CRYM: variants seen among roughly 807,000 people sequenced by gnomAD.
CRYM encodes the protein crystallin mu.
In CRYM, 18 loss-of-function variants were observed where a neutral mutation model predicts 32.9. The ratio of observed to expected loss-of-function variants is 0.55; its 90% CI spans 0.38 to 0.81. CRYM has a LOEUF of 0.81. Among genes scored for constraint, CRYM ranks in the 30% least tolerant of loss-of-function variants. The pLI, the probability that CRYM is intolerant of heterozygous loss-of-function variation, is 0.00. For synonymous variants in CRYM, 153 were observed against 152.4 expected, an observed-to-expected ratio of 1.00 and a Z score of -0.03; for missense variants, 337 against 393.5, an observed-to-expected ratio of 0.86 and a Z score of 1.21.
intron 1 of CRYM, among the ~76,000 whole-genome samples, chr16:21,297,537 G>A (rs1960813825): frequency 6.6e-6 from 1 of 152,160 alleles, no homozygotes; most frequent in South Asian, 2.1e-4. Flanking sequence ...CTAATGGTGG[G>A]CATTGACTAT....
chr16:21,297,677 T>C (rs1385414024), intron 1 of CRYM, among the ~76,000 whole-genome samples: 1 of 151,862 alleles, frequency 6.6e-6, no homozygotes, highest in Non-Finnish European at 1.5e-5. Flanking sequence ...CCAACCAGAG[T>C]GGGGATATGT....
At position 21,267,540 on chromosome 16, in the gene CRYM, G is replaced by A. The variant is rs756446046; in HGVS notation, c.673+14C>T. On this transcript the variant is annotated intron_variant, in intron 5 of 7. Transcript: ENST00000572914. ...GCCACCACCCATCATGCCTTATGGA[G>A]CCACTCTACTTACCATTGATGTGAG... 9 of 1,612,990 alleles carry A rather than the reference G, an allele frequency of 5.6e-6. No homozygotes were observed. The South Asian group carries it at 9.9e-5, about 18-fold the overall frequency.
chr16:21,301,786 CG>C (rs1427500622), intron 1 of CRYM, among the ~76,000 whole-genome samples: 2 of 152,194 alleles, frequency 1.3e-5, no homozygotes, highest in Non-Finnish European at 2.9e-5. Context: ...AACCTGCCCG[CG>C]GGCGGCTGGT....
chr16:21,272,751 G>C (rs996123758), intron 3 of CRYM, among the ~76,000 whole-genome samples: 4 of 146,830 alleles, frequency 2.7e-5, no homozygotes, highest in African/African-American at 1.0e-4. Flanking sequence ...CAGGATTCAA[G>C]CAATTCCCTT....
chr16:21,267,634 G>A lies in CRYM; in HGVS notation c.593C>T (p.Ala198Val), dbSNP rs767826552. The A allele has an allele frequency of 6.2e-7, 1 of 1,614,032 alleles. No homozygotes were observed. The highest frequency in any genetic ancestry group is 8.5e-7 in the Non-Finnish European group (1 of 1,180,032). ...CSSVQEAVAG[A>V]DVIITVTLAT... ...CAGGGTGACTGTGATGATCACATCT[G>A]CACCTGCCACAGCCTCCTGGACCGA... The change falls in exon 5 of 8, where the codon GCA (alanine) becomes GTA (valine). Residue 198 changes from alanine to valine, a missense_variant. Physicochemically the swap from Ala to Val is moderately conservative, Grantham distance 64. Transcript: ENST00000572914.
At chr16:21,282,109 T>C (rs1409216558), upstream of CRYM, among the ~76,000 whole-genome samples, 1 of 152,206 alleles carries the variant, frequency 6.6e-6, no homozygotes, top group Non-Finnish European at 1.5e-5. Flanking sequence ...GCGGTTCTGA[T>C]GATAGTGAAT....
At chr16:21,273,487 G>A (rs919263053) in intron 3 of CRYM, among the ~76,000 whole-genome samples, 4 of 152,198 alleles carry the variant, frequency 2.6e-5, no homozygotes, top group African/African-American at 9.7e-5. Flanking sequence ...CAGTGTTATT[G>A]CAGGCTGGGT....
chr16:21,290,313 G>C (rs932638042), intron 1 of CRYM, among the ~76,000 whole-genome samples: 1 of 152,128 alleles, frequency 6.6e-6, no homozygotes, highest in Admixed American at 6.5e-5. Flanking sequence ...CGAACCCACC[G>C]GGAGGGACAA....
upstream of CRYM, among the ~76,000 whole-genome samples, chr16:21,279,185 ATGTACCAGATAC>A (rs1055480321): frequency 2.0e-5 from 3 of 152,230 alleles, no homozygotes; most frequent in African/African-American, 7.2e-5. Flanking sequence ...GATCTTTACT[ATGTACCAGATAC>A]TGCACCATGC....
chr16:21,262,654 C>G (rs925514922), intron 5 of CRYM, among the ~76,000 whole-genome samples: 1 of 152,046 alleles, frequency 6.6e-6, no homozygotes, highest in Non-Finnish European at 1.5e-5. Context: ...AAACTACCTA[C>G]CATTTTGCCT....
chr16:21,259,087 AAATTTTTTTTTTT>A (rs928866215), intron 7 of CRYM, among the ~76,000 whole-genome samples: 1 of 151,880 alleles, frequency 6.6e-6, no homozygotes, highest in Non-Finnish European at 1.5e-5. Context: ...AGGGCTGAGC[AAATTTTTTTTTTT>A]AATTTTTTTT....
rs11353509 is a variant in CRYM at position 21,272,651 on chromosome 16, A to ATT, written c.388-2762_388-2761dup. Among the ~76,000 whole-genome samples the ATT allele has an allele frequency of 7.5e-5, 10 of 133,428 alleles. No homozygotes were observed. In the East Asian group the frequency reaches 1.0e-3, roughly 14 times the overall value. The allele number at this position is 133,428 out of a possible 152,430, so 87.5% of individuals were successfully genotyped here. ...TGTAGTTTCATATTTATTGGTGTGA[A>ATT]TTTTTTTTTTTTTTTTGGAGACTGA... is the stretch of plus-strand genomic sequence containing the variant. On this transcript the variant is annotated intron_variant, in intron 3 of 7. Coordinates refer to ENST00000572914, the MANE Select transcript of CRYM (RefSeq NM_001376256.1).
At chr16:21,290,937 G>A (rs1230433540) in intron 1 of CRYM, among the ~76,000 whole-genome samples, 2 of 152,168 alleles carry the variant, frequency 1.3e-5, no homozygotes, top group African/African-American at 4.8e-5. Flanking sequence ...GAGATGACAG[G>A]AAGACAGATG....
chr16:21,298,581 T>C (rs951533232), intron 1 of CRYM, among the ~76,000 whole-genome samples: 2 of 152,072 alleles, frequency 1.3e-5, no homozygotes, highest in East Asian at 1.9e-4. Flanking sequence ...AGTAGAAAAA[T>C]TGAAATCACA....
At chr16:21,295,273 A>G (rs1960764327) in intron 1 of CRYM, among the ~76,000 whole-genome samples, 1 of 152,242 alleles carries the variant, frequency 6.6e-6, no homozygotes, top group Non-Finnish European at 1.5e-5. Flanking sequence ...GAACGAATTT[A>G]AATTCTCACC....
intron 5 of CRYM, among the ~76,000 whole-genome samples, chr16:21,263,959 G>A (rs1485555632): frequency 6.6e-6 from 1 of 152,228 alleles, no homozygotes; most frequent in Admixed American, 6.5e-5. Flanking sequence ...AAATCTATTT[G>A]CATATGTCAC....
intron 1 of CRYM, among the ~76,000 whole-genome samples, chr16:21,294,687 C>A (rs907924126): frequency 6.7e-6 from 1 of 149,296 alleles, no homozygotes; most frequent in Admixed American, 6.8e-5. Context: ...TGATCTCATT[C>A]CTTTTTTTTT....
In CRYM at chr16:21,278,231, GA is replaced by G; in HGVS notation, c.20del (p.Phe7SerfsTer2). 1 of 1,581,260 alleles carries G rather than the reference GA, an allele frequency of 6.3e-7. No homozygotes were observed. The highest frequency in any genetic ancestry group is 8.6e-7 in the Non-Finnish European group (1 of 1,166,610). On this transcript the variant is annotated frameshift_variant, in exon 1 of 8. Coordinates refer to ENST00000572914, the MANE Select transcript of CRYM (RefSeq NM_001376256.1). LOFTEE classifies it high-confidence loss of function. MSRVPAFLSAAEVEEHL... is the reference protein window; with the variant it reads MSRVPAXLSAAEVEEHL... The stretch of plus-strand genomic sequence containing the variant: ...GTTCCTCCACCTCGGCCGCGCTCAG[GA>G]ACGCTGGTACCCGGCTCATCTCGCC...
chr16:21,272,735 C>T (rs1365001044), intron 3 of CRYM, among the ~76,000 whole-genome samples: 4 of 151,312 alleles, frequency 2.6e-5, no homozygotes, highest in Non-Finnish European at 2.9e-5. Flanking sequence ...CTGTAACCTC[C>T]GCCTCCAGGA....
Sources: gnomAD v4.1 joint callset for allele counts (sites outside exome capture counted in the v4.1 genomes callset) on GRCh38, gnomAD v4.1.1 for gene constraint, MANE v1.5 for transcripts, NCBI Gene and HGNC (gene_info 2026-07-23, HGNC 2026-07-21) for gene names.